PHACTR3: variants seen among roughly 807,000 people sequenced by gnomAD.
PHACTR3 encodes the protein protein phosphatase 1, regulatory subunit 123.
In PHACTR3, 16 loss-of-function variants were observed where a neutral mutation model predicts 66.8. That is an observed-to-expected ratio of 0.24 (90% CI 0.16 to 0.36). The LOEUF is 0.36. Ranked by LOEUF, PHACTR3 falls within the 10% of genes least tolerant of loss-of-function variation. The pLI is 1.00. For missense variants in PHACTR3, 647 were observed against 719.9 expected (o/e 0.90, Z 1.16); for synonymous variants, 323 against 292.1 (o/e 1.11, Z -1.08).
chr20:59,825,553 G>A (rs6027140), intron 8 of PHACTR3, among the ~76,000 whole-genome samples: 31,639 of 152,090 alleles, frequency 0.21, 4,551 homozygotes, highest in African/African-American at 0.4. Context: ...TCTTACCATT[G>A]AGGTACTCAA....
At chr20:59,702,791 A>G (rs1330545936) in intron 1 of PHACTR3, among the ~76,000 whole-genome samples, 1 of 152,232 alleles carries the variant, frequency 6.6e-6, no homozygotes, top group African/African-American at 2.4e-5. Flanking sequence ...TTCATCCGTG[A>G]AAAGAGAGAA....
intron 1 of PHACTR3, among the ~76,000 whole-genome samples, chr20:59,588,963 C>T (rs1165210543): frequency 3.3e-5 from 5 of 152,214 alleles, no homozygotes; most frequent in Admixed American, 6.5e-5. Flanking sequence ...TGCTAATGTT[C>T]TAATGTCTGC....
rs1457664963 is a variant in PHACTR3, at chr20:59,738,032, A to G, written c.119-5075A>G. Among the ~76,000 whole-genome samples, 1 of 152,090 alleles carries G rather than the reference A, an allele frequency of 6.6e-6. No individual in the cohort carries two copies. The highest frequency in any genetic ancestry group is 1.9e-4 in the East Asian group (1 of 5,182). On this transcript the variant is annotated intron_variant, in intron 1 of 12. Transcript: ENST00000371015. This position sits in a 1 kb window ranked among gnomAD's most constrained non-coding sequence, Gnocchi z 4.4. ...GGCAGCTGATTAAAATAGTGCAGGT[A>G]GTGACGGTGGTCCTGGCAGTGATGG...
At chr20:59,629,777 G>A (rs978277754) in intron 1 of PHACTR3, among the ~76,000 whole-genome samples, 5 of 152,238 alleles carry the variant, frequency 3.3e-5, no homozygotes, top group Admixed American at 1.3e-4. Context: ...CAATACAGTT[G>A]CAGTGGGTGG....
At chr20:59,835,628 T>C (rs1413722381) in intron 8 of PHACTR3, among the ~76,000 whole-genome samples, 3 of 152,200 alleles carry the variant, frequency 2.0e-5, no homozygotes, top group Non-Finnish European at 2.9e-5. Flanking sequence ...ATTGTAGTCA[T>C]AAAAATAATC....
At chr20:59,779,875 T>C (rs769514069) in intron 7 of PHACTR3, among the ~76,000 whole-genome samples, 21 of 152,252 alleles carry the variant, frequency 1.4e-4, no homozygotes, top group Admixed American at 4.6e-4. Context: ...CTTGCGCTCA[T>C]TCTCCAGTCA....
intron 1 of PHACTR3, among the ~76,000 whole-genome samples, chr20:59,621,190 G>A (rs1330982194): frequency 1.3e-5 from 2 of 152,246 alleles, no homozygotes; most frequent in African/African-American, 4.8e-5. Flanking sequence ...GCTCTCAGGG[G>A]CTGTGGGCTC....
intron 7 of PHACTR3, among the ~76,000 whole-genome samples, chr20:59,797,080 G>A (rs2041270786): frequency 1.3e-5 from 2 of 151,958 alleles, no homozygotes; most frequent in Non-Finnish European, 2.9e-5. Flanking sequence ...GGGTTATTTT[G>A]AGTTCAGAAG....
At chr20:59,730,267 G>T (rs1464340685) in intron 1 of PHACTR3, among the ~76,000 whole-genome samples, 1 of 152,214 alleles carries the variant, frequency 6.6e-6, no homozygotes, top group African/African-American at 2.4e-5. Flanking sequence ...GGTAGGAAGG[G>T]TGAGACCATG....
At chr20:59,694,357 A>C (rs564022584) in intron 1 of PHACTR3, among the ~76,000 whole-genome samples, 1 of 152,114 alleles carries the variant, frequency 6.6e-6, no homozygotes, top group African/African-American at 2.4e-5. Context: ...CCCTTCCCAA[A>C]CTGTAAGCTC....
chr20:59,773,191 CT>C, intron 5 of PHACTR3, 87 bp from the exon 6 acceptor site: 1 of 1,447,414 alleles, frequency 6.9e-7, no homozygotes, highest in Admixed American at 2.1e-5. Flanking sequence ...GGGGAGCGTC[CT>C]TTCCGCTCAT....
intron 1 of PHACTR3, among the ~76,000 whole-genome samples, chr20:59,577,770 C>T (rs561956404): frequency 3.3e-5 from 5 of 152,252 alleles, no homozygotes; most frequent in South Asian, 4.1e-4. Context: ...CAGAGGTGGG[C>T]GCCCCGGGTC....
chr20:59,796,879 G>C (rs1207629855), intron 7 of PHACTR3, among the ~76,000 whole-genome samples: 1 of 152,138 alleles, frequency 6.6e-6, no homozygotes, highest in Non-Finnish European at 1.5e-5. Context: ...TCATGGATCT[G>C]GATGTCCATC....
chr20:59,606,813 A>C (rs1485650679), intron 1 of PHACTR3, among the ~76,000 whole-genome samples: 1 of 152,106 alleles, frequency 6.6e-6, no homozygotes, highest in Non-Finnish European at 1.5e-5. Flanking sequence ...CCTGTGATTA[A>C]GTTATGCGTG....
chr20:59,706,098 A>G (rs2037691158), intron 1 of PHACTR3, among the ~76,000 whole-genome samples: 1 of 152,348 alleles, frequency 6.6e-6, no homozygotes, highest in Non-Finnish European at 1.5e-5. Context: ...AGTTTCTCAC[A>G]TAATTAACTC....
intron 1 of PHACTR3, among the ~76,000 whole-genome samples, chr20:59,661,470 C>T (rs2035803201): frequency 6.6e-6 from 1 of 152,148 alleles, no homozygotes; most frequent in African/African-American, 2.4e-5. Flanking sequence ...ACATACTCTC[C>T]TTCACCCTCT....
At chr20:59,819,595 G>T (rs1364108135) in intron 8 of PHACTR3, among the ~76,000 whole-genome samples, 1 of 151,804 alleles carries the variant, frequency 6.6e-6, no homozygotes, top group Non-Finnish European at 1.5e-5. Context: ...CCGGGACCCT[G>T]CAGATCCCAC....
chr20:59,845,932 T>G (rs963496420), intron 12 of PHACTR3, among the ~76,000 whole-genome samples: 6 of 152,154 alleles, frequency 3.9e-5, no homozygotes, highest in African/African-American at 1.4e-4. Context: ...GATGACGAAG[T>G]TGGGAAAAGA....
At chr20:59,673,927 A>G (rs544874808) in intron 1 of PHACTR3, among the ~76,000 whole-genome samples, 45 of 152,188 alleles carry the variant, frequency 3.0e-4, no homozygotes, top group Non-Finnish European at 5.0e-4. Context: ...GGCCGGATCA[A>G]GCTGGTAGGG....
Sources: allele counts gnomAD v4.1 joint callset (sites outside exome capture counted in the v4.1 genomes callset), GRCh38; gene constraint gnomAD v4.1.1; non-coding constraint Gnocchi (gnomAD v3.1); transcripts MANE v1.5; gene names NCBI Gene and HGNC (gene_info 2026-07-23, HGNC 2026-07-21).